MAST4: variants seen among roughly 807,000 people sequenced by gnomAD.
MAST4 encodes microtubule associated serine/threonine kinase family member 4.
A neutral mutation model predicts 162.7 loss-of-function variants in MAST4; 89 were observed. The observed-to-expected ratio is 0.55, with a 90% CI of 0.46 to 0.65. MAST4 has a LOEUF of 0.65. Ranked by LOEUF, MAST4 falls within the 30% of genes least tolerant of loss-of-function variation. The pLI, the probability that MAST4 is intolerant of heterozygous loss-of-function variation, is 0.00. For missense variants in MAST4, 3,153 were observed against 3,374.0 expected, an observed-to-expected ratio of 0.93 and a Z score of 1.62; for synonymous variants, 1,479 against 1,361.1, an observed-to-expected ratio of 1.09 and a Z score of -1.91.
intron 1 of MAST4, among the ~76,000 whole-genome samples, chr5:66,609,235 T>G (rs1743112762): frequency 6.6e-6 from 1 of 152,054 alleles, no homozygotes; most frequent in African/African-American, 2.4e-5. Context: ...AAAGTTAGTC[T>G]TTTATTTAAA....
intron 4 of MAST4, chr5:66,917,048 C>T: frequency 1.4e-6 from 1 of 717,636 alleles, no homozygotes; most frequent in Non-Finnish European, 2.6e-6. Flanking sequence ...TAATAGCTAT[C>T]ACTTTACCCA....
intron 4 of MAST4, among the ~76,000 whole-genome samples, chr5:66,989,724 A>C (rs1749875006): frequency 6.6e-6 from 1 of 152,170 alleles, no homozygotes; most frequent in Admixed American, 6.5e-5. Flanking sequence ...TTTTCAATCC[A>C]AGAAGAATAA....
chr5:66,897,624 C>G (rs1393256797), intron 3 of MAST4, among the ~76,000 whole-genome samples: 3 of 152,220 alleles, frequency 2.0e-5, no homozygotes, highest in Non-Finnish European at 2.9e-5. Flanking sequence ...GCCTGACATT[C>G]AAGCCATCAG....
chr5:66,669,399 C>T (rs189298300), intron 1 of MAST4, among the ~76,000 whole-genome samples: 15 of 152,272 alleles, frequency 9.9e-5, no homozygotes, highest in East Asian at 3.9e-4. Context: ...CCACACAGCT[C>T]CTTTTCTTTG....
At chr5:67,089,981 C>G (rs1166186781) in intron 5 of MAST4, among the ~76,000 whole-genome samples, 181 bp from the exon 6 acceptor site, 2 of 152,158 alleles carry the variant, frequency 1.3e-5, no homozygotes, top group Non-Finnish European at 2.9e-5. Flanking sequence ...CATGCTCCCC[C>G]ATCCCCATCT....
intron 4 of MAST4, among the ~76,000 whole-genome samples, chr5:66,995,681 G>A (rs530016566): frequency 1.4e-4 from 22 of 152,216 alleles, no homozygotes; most frequent in Non-Finnish European, 2.2e-4. Context: ...GATTACAGGC[G>A]TGAGCCACCA....
intron 4 of MAST4, among the ~76,000 whole-genome samples, chr5:66,927,820 G>A (rs757790987): frequency 1.3e-5 from 2 of 152,190 alleles, no homozygotes; most frequent in Non-Finnish European, 2.9e-5. Flanking sequence ...CCAGAAGCTA[G>A]AAATCCAAGA....
At chr5:67,137,194 C>T (rs760407309) in intron 19 of MAST4, among the ~76,000 whole-genome samples, 77 of 152,084 alleles carry the variant, frequency 5.1e-4, no homozygotes, top group Non-Finnish European at 8.7e-4. Context: ...GTGATCAGCA[C>T]CGTGACCCAA....
Position 66,853,063 on chromosome 5 carries a change from AT to A in MAST4, c.643-46886del, listed in dbSNP as rs1412876096. Among the ~76,000 whole-genome samples the A allele has an allele frequency of 6.6e-5, 10 of 152,338 alleles. No homozygotes were observed. The South Asian group carries it at 1.0e-3, about 16-fold the overall frequency. On this transcript the variant is annotated intron_variant, in intron 3 of 28. Coordinates refer to ENST00000403625, the MANE Select transcript of MAST4 (RefSeq NM_001164664.2). ...TCCCTTTGTGATTTTCCTCCCATATATTCTGGTTTCTATTCCTTAGTTCATG... is the reference window on the plus strand; with the variant it reads ...TCCCTTTGTGATTTTCCTCCCATATATCTGGTTTCTATTCCTTAGTTCATG...
At chr5:67,073,425 G>A (rs930331239) in intron 5 of MAST4, among the ~76,000 whole-genome samples, 7 of 152,224 alleles carry the variant, frequency 4.6e-5, no homozygotes, top group Non-Finnish European at 8.8e-5. Flanking sequence ...AAAGTGGGTG[G>A]TGGCATCAGC....
chr5:66,715,508 C>T (rs537210452), intron 1 of MAST4, among the ~76,000 whole-genome samples: 47 of 82,686 alleles, frequency 5.7e-4, no homozygotes, highest in Non-Finnish European at 8.2e-4. Context: ...TGGAGTGGAC[C>T]GGGGACTGTT....
intron 1 of MAST4, among the ~76,000 whole-genome samples, chr5:66,725,388 T>C (rs980784377): frequency 3.4e-5 from 4 of 119,168 alleles, no homozygotes; most frequent in African/African-American, 1.6e-4. Flanking sequence ...TGTTGTCAAA[T>C]AAAAGCCTCC....
intron 1 of MAST4, among the ~76,000 whole-genome samples, chr5:66,654,683 C>A (rs1374730472): frequency 7.3e-6 from 1 of 136,874 alleles, no homozygotes; most frequent in East Asian, 2.0e-4. Flanking sequence ...TTTAATAGAA[C>A]AAATAACTTT....
In MAST4 at chr5:67,166,445, C is replaced by A; in HGVS notation, c.7266C>A (p.Pro2422=). 4 of 1,601,960 alleles carry A rather than the reference C, an allele frequency of 2.5e-6. No homozygotes were observed. Among genetic ancestry groups the A allele is most frequent in the Non-Finnish European group, 3.4e-6 (4 of 1,174,008 alleles). The change falls in exon 29 of 29, where the codon CCC becomes CCA. Residue 2422 remains proline (P), a synonymous_variant. Transcript: ENST00000403625. The part of the protein sequence containing the change: ...KGFPEARGKG[P]GPQKPPTEAD... Reference sequence around the variant, plus strand: ...TCCCTGAGGCCAGAGGGAAAGGGCCCGGTCCCCAGAAGCCACCGACGGAGG... The same window carrying A: ...TCCCTGAGGCCAGAGGGAAAGGGCCAGGTCCCCAGAAGCCACCGACGGAGG...
rs201146857 is a variant in MAST4 at position 66,815,485 on chromosome 5, GA to G, written c.642+26699del. Among the ~76,000 whole-genome samples the G allele has an allele frequency of 1.2e-4, 18 of 151,830 alleles. No homozygotes were observed. The East Asian group carries it at 1.5e-3, about 13-fold the overall frequency. On this transcript the variant is annotated intron_variant, in intron 3 of 28. Coordinates refer to ENST00000403625, the MANE Select transcript of MAST4 (RefSeq NM_001164664.2). ...TCATACGTATGTATATATTTTAATA[GA>G]AAAAAAACAGTATATATGGGGCTTG...
chr5:67,063,679 AG>A (rs1293685749), intron 5 of MAST4, among the ~76,000 whole-genome samples: 1 of 151,770 alleles, frequency 6.6e-6, no homozygotes, highest in African/African-American at 2.4e-5. Flanking sequence ...CCCATAGGGC[AG>A]GTTTTTCATT....
At position 66,809,078 on chromosome 5, in the gene MAST4, C is replaced by T. The variant is rs201383098; in HGVS notation, c.642+20284C>T. 2.6e-5 allele frequency among the ~76,000 whole-genome samples: 4 copies of T among 152,200 alleles called. No individual in the cohort carries two copies. The East Asian group carries it at 7.7e-4, about 29-fold the overall frequency. On this transcript the variant is annotated intron_variant, in intron 3 of 28. Coordinates refer to ENST00000403625, the MANE Select transcript of MAST4 (RefSeq NM_001164664.2). ...TAACTGTTGATTACACTGTGGCTGC[C>T]TGTCAGCAGGTATACATCTCCTGCA...
At position 66,831,104 on chromosome 5, in the gene MAST4, A is replaced by G. The variant is rs540999680; in HGVS notation, c.642+42310A>G. The stretch of plus-strand genomic sequence containing the variant: ...AAGTTAAGGGTCATATAATAAATGT[A>G]CTAGCATCTAGGAGGAACCCAATAA... On this transcript the variant is annotated intron_variant, in intron 3 of 28. Transcript: ENST00000403625. 7.9e-5 allele frequency among the ~76,000 whole-genome samples: 12 copies of G among 152,320 alleles called. No homozygotes were observed. In the South Asian group the frequency reaches 1.7e-3, roughly 21 times the overall value.
At chr5:66,963,990 A>G (rs1746339555) in intron 4 of MAST4, 1 of 698,400 alleles carries the variant, frequency 1.4e-6, no homozygotes, top group South Asian at 1.5e-5. Flanking sequence ...CTCTTGACTC[A>G]TTGTTCAATG....
Sources: gnomAD v4.1 joint callset for allele counts (sites outside exome capture counted in the v4.1 genomes callset) on GRCh38, gnomAD v4.1.1 for gene constraint, MANE v1.5 for transcripts, NCBI Gene and HGNC (gene_info 2026-07-23, HGNC 2026-07-21) for gene names.